RABGAP1: variants seen among roughly 807,000 people sequenced by gnomAD.
RABGAP1 encodes the protein rab GTPase-activating protein 1.
RABGAP1 carries 23 observed loss-of-function variants against 137.6 expected under a neutral mutation model. That is an observed-to-expected ratio of 0.17 (90% CI 0.12 to 0.24). The LOEUF is 0.24. RABGAP1 is among the 10% of genes least tolerant of loss of function. The pLI is 1.00. For missense variants in RABGAP1, 906 were observed against 1,275.8 expected, an observed-to-expected ratio of 0.71 and a Z score of 4.42; for synonymous variants, 451 against 450.7, an observed-to-expected ratio of 1.00 and a Z score of -0.01.
intron 13 of RABGAP1, among the ~76,000 whole-genome samples, chr9:123,056,306 C>G (rs984463790): frequency 4.6e-5 from 7 of 152,204 alleles, no homozygotes; most frequent in Admixed American, 1.3e-4. Context: ...ACTTTAGATT[C>G]CATTCTTATA....
At chr9:122,982,770 C>T (rs1836145279) in intron 2 of RABGAP1, among the ~76,000 whole-genome samples, 1 of 152,086 alleles carries the variant, frequency 6.6e-6, no homozygotes, top group South Asian at 2.1e-4. Context: ...GGCGTGGTGG[C>T]ACTGCCTGTA....
intron 1 of RABGAP1, among the ~76,000 whole-genome samples, chr9:122,949,617 C>T (rs942522357): frequency 1.3e-5 from 2 of 148,228 alleles, no homozygotes; most frequent in African/African-American, 2.6e-5. Flanking sequence ...ATCGCTTGAA[C>T]TCTGGAGGCA....
intron 3 of RABGAP1, 64 bp downstream of exon 3, chr9:122,984,783 C>A: frequency 1.4e-6 from 2 of 1,426,802 alleles, no homozygotes; most frequent in Non-Finnish European, 1.9e-6. Context: ...AGTGTCCACC[C>A]TGTACTAGGT....
At chr9:123,039,201 T>C (rs1451249200) in intron 13 of RABGAP1, among the ~76,000 whole-genome samples, 1 of 152,168 alleles carries the variant, frequency 6.6e-6, no homozygotes, top group African/African-American at 2.4e-5. Context: ...CTGTGCTACT[T>C]AGCAATCCCA....
chr9:122,998,801 T>G, intron 10 of RABGAP1, 35 bp downstream of exon 10: 1 of 1,392,436 alleles, frequency 7.2e-7, no homozygotes, highest in Non-Finnish European at 9.8e-7. Flanking sequence ...GAAGGGGGAA[T>G]AAGAAAGGAG....
Position 123,051,742 on chromosome 9 carries a change from CTATTTTATTTTATTT to C in RABGAP1, c.1795-13566_1795-13552del, listed in dbSNP as rs66629098. Among the ~76,000 whole-genome samples, 1,166 of 140,196 alleles carry C rather than the reference CTATTTTATTTTATTT, an allele frequency of 8.3e-3. 21 individuals are homozygous for C. The highest frequency in any genetic ancestry group is 0.024 in the African/African-American group (914 of 37,720). 92.0% of individuals were successfully genotyped at this position (140,196 alleles called of 152,430 possible). A position where few individuals can be genotyped will look rare whatever the true frequency, so the allele number is the denominator to read the frequency against. On this transcript the variant is annotated intron_variant, in intron 13 of 25. Coordinates refer to ENST00000373647, the MANE Select transcript of RABGAP1 (RefSeq NM_012197.4). Reference sequence around the variant, plus strand: ...GTTATAAGAGTCTAGAAGAGAAAAGCTATTTTATTTTATTTTATTTTATTTTATTTTATTTTATTT... The same window carrying C: ...GTTATAAGAGTCTAGAAGAGAAAAGCTATTTTATTTTATTTTATTTTATTT...
intron 1 of RABGAP1, among the ~76,000 whole-genome samples, chr9:122,953,379 C>G (rs1053879953): frequency 6.6e-6 from 1 of 151,656 alleles, no homozygotes; most frequent in South Asian, 2.1e-4. Context: ...GTGACAAGCT[C>G]ATACTATTAG....
chr9:122,990,581 C>G (rs981605849), intron 6 of RABGAP1: 1 of 152,498 alleles, frequency 6.6e-6, no homozygotes, highest in Non-Finnish European at 1.4e-5. Flanking sequence ...ATGAGCCTGA[C>G]CAACATGGAG....
At chr9:123,061,298 A>G (rs942656906) in intron 13 of RABGAP1, among the ~76,000 whole-genome samples, 2 of 152,076 alleles carry the variant, frequency 1.3e-5, no homozygotes, top group Admixed American at 1.3e-4. Flanking sequence ...GTATTTTTGT[A>G]GAGATGAGAT....
chr9:122,939,023 G>A (rs1833439277), upstream of RABGAP1: 1 of 152,046 alleles, frequency 6.6e-6, no homozygotes, highest in South Asian at 2.1e-4. Flanking sequence ...GGATAATTTG[G>A]GTATACTGGT....
chr9:122,961,415 A>G (rs1001943045), intron 2 of RABGAP1, among the ~76,000 whole-genome samples: 6 of 152,224 alleles, frequency 3.9e-5, no homozygotes, highest in African/African-American at 1.4e-4. Flanking sequence ...CAACAATTCT[A>G]TGTCCAGCAA....
intron 10 of RABGAP1, among the ~76,000 whole-genome samples, chr9:123,005,400 C>T (rs1348352151): frequency 6.6e-6 from 1 of 151,794 alleles, no homozygotes; most frequent in Non-Finnish European, 1.5e-5. Context: ...ACCCCCATAC[C>T]CATAGATAAC....
At chr9:123,065,580 A>G in intron 14 of RABGAP1, 119 bp downstream of exon 14, 1 of 792,304 alleles carries the variant, frequency 1.3e-6, no homozygotes, top group Non-Finnish European at 2.1e-6. Context: ...CCAAAAAGAG[A>G]AAAGACATTG....
chr9:123,102,943 AGGCATTTCT>A (rs762814673), intron 25 of RABGAP1, 139 bp from the exon 26 acceptor site: 117 of 1,095,720 alleles, frequency 1.1e-4, no homozygotes, highest in Non-Finnish European at 1.3e-4. Flanking sequence ...TAGGCATTTC[AGGCATTTCT>A]ATGCCAGTTG....
At chr9:123,078,520 C>T (rs1404048871) in intron 19 of RABGAP1, among the ~76,000 whole-genome samples, 1 of 152,154 alleles carries the variant, frequency 6.6e-6, no homozygotes, top group Non-Finnish European at 1.5e-5. Flanking sequence ...AGATAACAAA[C>T]ATTTTACAGT....
At chr9:123,075,755 A>G (rs965339271) in intron 17 of RABGAP1, among the ~76,000 whole-genome samples, 1 of 152,230 alleles carries the variant, frequency 6.6e-6, no homozygotes, top group Admixed American at 6.5e-5. Context: ...CAGCAGCTTA[A>G]GCAGTTTAAC....
intron 5 of RABGAP1, 135 bp from the exon 6 acceptor site, chr9:122,989,921 A>C: frequency 9.5e-7 from 1 of 1,054,514 alleles, no homozygotes; most frequent in South Asian, 1.8e-5. Flanking sequence ...AGGCCTAACA[A>C]ATTAGGTAAT....
At position 122,989,456 on chromosome 9, in the gene RABGAP1, T is replaced by C; in HGVS notation, c.750T>C (p.Cys250=). ...AELFRIHVFR[C]EIQEAVSRIL... is the part of the protein sequence containing the mutation. ...TCTTCAGAATACACGTCTTCCGGTGTGAAATACAAGAAGCTGTAAGTCCTC... is the reference window on the plus strand; with the variant it reads ...TCTTCAGAATACACGTCTTCCGGTGCGAAATACAAGAAGCTGTAAGTCCTC... The change falls in exon 5 of 26, where the codon TGT becomes TGC. Residue 250 remains cysteine, a synonymous_variant. Transcript: ENST00000373647. 3.1e-6 allele frequency: 5 copies of C among 1,613,974 alleles called. No homozygotes were observed. The highest frequency in any genetic ancestry group is 4.2e-6 in the Non-Finnish European group (5 of 1,179,988).
At chr9:122,965,028 AAAAC>A (rs1248461009) in intron 2 of RABGAP1, among the ~76,000 whole-genome samples, 2 of 152,168 alleles carry the variant, frequency 1.3e-5, no homozygotes, top group Non-Finnish European at 2.9e-5. Context: ...AGAAAAGTGA[AAAAC>A]AACAACAACA....
Sources: allele counts gnomAD v4.1 joint callset (sites outside exome capture counted in the v4.1 genomes callset), GRCh38; gene constraint gnomAD v4.1.1; transcripts MANE v1.5; gene names NCBI Gene and HGNC (gene_info 2026-07-23, HGNC 2026-07-21).